Variants in PCTP observed in about 807,000 individuals in gnomAD.
PCTP encodes the protein START domain-containing protein 2.
PCTP carries 27 observed loss-of-function variants against 31.0 expected under a neutral mutation model. That is an observed-to-expected ratio of 0.87 (90% CI 0.64 to 1.20). The LOEUF is 1.20. Among genes scored for constraint, PCTP ranks in the 50% most tolerant of loss-of-function variants. The probability of loss-of-function intolerance (pLI) is 0.00; values close to 1 mark genes in which losing one functional copy is unlikely to be tolerated. For missense variants in PCTP, 287 were observed against 268.2 expected, an observed-to-expected ratio of 1.07 and a Z score of -0.49; for synonymous variants, 108 against 101.2, an observed-to-expected ratio of 1.07 and a Z score of -0.40.
intron 1 of PCTP, among the ~76,000 whole-genome samples, chr17:55,757,216 GTATATATATACACATA>G (rs1910078668): frequency 6.7e-6 from 1 of 149,514 alleles, no homozygotes; most frequent in Non-Finnish European, 1.5e-5. Flanking sequence ...GTGTATATAT[GTATATATATACACATA>G]TATACATGTA....
At chr17:55,827,949 G>T (rs188357642), downstream of PCTP, among the ~76,000 whole-genome samples, 1 of 152,224 alleles carries the variant, frequency 6.6e-6, no homozygotes, top group Non-Finnish European at 1.5e-5. Context: ...CAAGCATGAT[G>T]GAGTAGTTTT....
intron 1 of PCTP, among the ~76,000 whole-genome samples, chr17:55,763,418 A>G (rs1396089006): frequency 1.3e-5 from 2 of 152,100 alleles, no homozygotes; most frequent in Non-Finnish European, 2.9e-5. Context: ...TTATCCTAAA[A>G]TTTATCTGTA....
chr17:55,760,055 G>A (rs916528813), intron 1 of PCTP, among the ~76,000 whole-genome samples: 3 of 151,908 alleles, frequency 2.0e-5, no homozygotes, highest in Non-Finnish European at 4.4e-5. Flanking sequence ...TTAATGTTTC[G>A]ACAAGTTAGC....
At chr17:55,762,258 C>T (rs575521657) in intron 1 of PCTP, among the ~76,000 whole-genome samples, 11 of 152,256 alleles carry the variant, frequency 7.2e-5, no homozygotes, top group African/African-American at 2.6e-4. Flanking sequence ...GTTGGGTTAA[C>T]AAGCATTTTG....
chr17:55,841,768 T>C (rs1905989519), intron 5 of PCTP, among the ~76,000 whole-genome samples: 1 of 152,236 alleles, frequency 6.6e-6, no homozygotes, highest in African/African-American at 2.4e-5. Flanking sequence ...AGATTGGGTA[T>C]GCAAATTACT....
downstream of PCTP, among the ~76,000 whole-genome samples, chr17:55,781,776 G>A (rs377299545): frequency 2.6e-5 from 4 of 152,198 alleles, no homozygotes; most frequent in African/African-American, 4.8e-5. Flanking sequence ...CTAGGAAAAC[G>A]GGTTACTCCA....
Position 55,837,563 on chromosome 17 carries a change from A to T in PCTP, n.506-5164A>T, listed in dbSNP as rs75011582. Among the ~76,000 whole-genome samples the T allele has an allele frequency of 4.3e-3, 658 of 152,292 alleles. 5 individuals are homozygous for T. The highest frequency in any genetic ancestry group is 6.8e-3 in the Middle Eastern group (2 of 294). On this transcript the variant is annotated intron_variant and non_coding_transcript_variant, in intron 5 of 5. Coordinates refer to the PCTP transcript ENST00000576221. ...CCAACCTGGGTCACATGTCTTGGCA[A>T]ATAGTGCCAATTTTCATTAGGTTTC...
chr17:55,776,000 A>G (rs2144974707), intron 5 of PCTP, 35 bp from the exon 6 acceptor site: 1 of 1,612,654 alleles, frequency 6.2e-7, no homozygotes, highest in Non-Finnish European at 8.5e-7. Context: ...GACCACTGTG[A>G]AGACATAGAA....
At chr17:55,802,434 C>G (rs140052688) in intron 3 of PCTP, among the ~76,000 whole-genome samples, 2 of 152,152 alleles carry the variant, frequency 1.3e-5, no homozygotes, top group African/African-American at 4.8e-5. Flanking sequence ...AACTTTCAAG[C>G]CAATATCTCT....
chr17:55,796,878 G>A (rs1005816077), intron 3 of PCTP, among the ~76,000 whole-genome samples: 2 of 151,884 alleles, frequency 1.3e-5, no homozygotes, highest in African/African-American at 2.4e-5. Flanking sequence ...GTGTAAAAAT[G>A]TCACAAAATG....
chr17:55,765,351 A>C (rs1281128908), intron 1 of PCTP, among the ~76,000 whole-genome samples: 1 of 152,168 alleles, frequency 6.6e-6, no homozygotes, highest in Non-Finnish European at 1.5e-5. Context: ...ATTACCCCAA[A>C]AGCCCACCAA....
chr17:55,763,472 T>G (rs2332512), intron 1 of PCTP, among the ~76,000 whole-genome samples: 124,249 of 151,960 alleles, frequency 0.82, 54,515 homozygotes, highest in Non-Finnish European at 0.98. Context: ...TATGGACCAA[T>G]TATTCTATAC....
At chr17:55,784,808 A>G (rs7222540) in intron 2 of PCTP, among the ~76,000 whole-genome samples, 11 of 152,246 alleles carry the variant, frequency 7.2e-5, no homozygotes, top group African/African-American at 2.7e-4. Context: ...ACTGAGACCT[A>G]AAAAATTCCA....
Position 55,773,812 on chromosome 17 carries a change from T to A in PCTP, c.428T>A (p.Leu143His). 1 of 1,613,852 alleles carries A rather than the reference T, an allele frequency of 6.2e-7. No individual in the cohort carries two copies. Among genetic ancestry groups the A allele is most frequent in the South Asian group, 1.1e-5 (1 of 91,036 alleles). The change falls in exon 4 of 6, where the codon CTT (leucine) becomes CAT (histidine). Residue 143 changes from leucine to histidine, a missense_variant. Physicochemically the swap from Leu to His is moderately conservative, Grantham distance 99. Transcript: ENST00000268896. ...ILARSTSMPQ[L>H]GERSGVIRVK... ...GCCCGGAGCACCTCCATGCCTCAGC[T>A]TGGCGAGAGGTCTGGGGTGATCCGG... is the stretch of plus-strand genomic sequence containing the variant.
At chr17:55,845,217 T>G (rs1906108285), downstream of PCTP, among the ~76,000 whole-genome samples, 1 of 151,760 alleles carries the variant, frequency 6.6e-6, no homozygotes, top group Non-Finnish European at 1.5e-5. Flanking sequence ...TAGAGCAGGG[T>G]TCCCTTTTAG....
intron 5 of PCTP, among the ~76,000 whole-genome samples, chr17:55,828,946 G>A (rs920495013): frequency 2.0e-5 from 3 of 152,152 alleles, no homozygotes; most frequent in Admixed American, 2.0e-4. Flanking sequence ...CTTCTTCCCA[G>A]TCCCCCCTAC....
chr17:55,762,475 T>C (rs1430776647), intron 1 of PCTP, among the ~76,000 whole-genome samples: 5 of 151,930 alleles, frequency 3.3e-5, no homozygotes, highest in Non-Finnish European at 5.9e-5. Flanking sequence ...TTCACTGTAA[T>C]CTAGGATGAC....
intron 3 of PCTP, among the ~76,000 whole-genome samples, chr17:55,788,450 A>C (rs1911830003): frequency 6.6e-6 from 1 of 152,066 alleles, no homozygotes; most frequent in East Asian, 1.9e-4. Flanking sequence ...TATGTTATTT[A>C]TTTACTCAAC....
chr17:55,800,819 CT>C (rs959012666), intron 3 of PCTP, among the ~76,000 whole-genome samples: 3 of 151,344 alleles, frequency 2.0e-5, no homozygotes, highest in East Asian at 1.9e-4. Flanking sequence ...GTGTGGACAT[CT>C]TTTTTTTTAT....
Sources: allele counts gnomAD v4.1 joint callset (sites outside exome capture counted in the v4.1 genomes callset), GRCh38; gene constraint gnomAD v4.1.1; transcripts MANE v1.5; gene names NCBI Gene and HGNC (gene_info 2026-07-23, HGNC 2026-07-21).